The following BMP10 variants were observed in gnomAD, a reference collection of about 807,000 sequenced individuals.
BMP10 encodes the protein bone morphogenetic protein 10.
BMP10 carries 9 observed loss-of-function variants against 29.9 expected under a neutral mutation model. The observed-to-expected ratio is 0.30, with a 90% confidence interval of 0.18 to 0.53. BMP10 has a LOEUF of 0.53. Ranked by LOEUF, BMP10 falls within the 20% of genes least tolerant of loss-of-function variation. The pLI, the probability that BMP10 is intolerant of heterozygous loss-of-function variation, is 0.96. For missense variants in BMP10, 474 were observed against 524.3 expected, an observed-to-expected ratio of 0.90 and a Z score of 0.94; for synonymous variants, 202 against 200.2, an observed-to-expected ratio of 1.01 and a Z score of -0.07.
At position 68,871,129 on chromosome 2, in the gene BMP10, G is replaced by T; in HGVS notation, c.230C>A (p.Ala77Asp). Residue 77 changes from alanine to aspartate, a missense_variant, in exon 1 of 2, where the codon GCC becomes GAC. By Grantham distance (126) the Ala-to-Asp change is moderately radical. Around this residue, in one of 2 missense-constraint regions of BMP10, gnomAD observed 408 missense variants for 415.3 expected, o/e 0.98. Coordinates refer to ENST00000295379, the MANE Select transcript of BMP10 (RefSeq NM_014482.3). ...NLSDIPTQDSAKVDPPEYMLE... is the reference protein window; with the variant it reads ...NLSDIPTQDSDKVDPPEYMLE... ...CATGTACTCTGGTGGGTCCACCTTGGCTGAATCCTGCGTGGGGATGTCAGA... is the reference window on the plus strand; with the variant it reads ...CATGTACTCTGGTGGGTCCACCTTGTCTGAATCCTGCGTGGGGATGTCAGA... 1.2e-6 allele frequency: 2 copies of T among 1,614,140 alleles called. No homozygotes were observed. Among genetic ancestry groups the T allele is most frequent in the Non-Finnish European group, 1.7e-6 (2 of 1,180,014 alleles).
chr2:68,865,166 C>A lies in BMP10; in HGVS notation c.*465G>T, dbSNP rs993872985. 6.6e-6 allele frequency among the ~76,000 whole-genome samples: 1 copy of A among 152,142 alleles called. No individual in the cohort carries two copies. Among genetic ancestry groups the A allele is most frequent in the Admixed American group, 6.6e-5 (1 of 15,260 alleles). ...AGAGTATTTAGGAAGGGTAATACTT[C>A]CTAGGATGATTAAAACCCTGATGTC... On this transcript the variant is annotated 3_prime_UTR_variant, in exon 2 of 2. Transcript: ENST00000295379. The surrounding 1 kb of genome is among the most constrained non-coding windows in gnomAD (Gnocchi z 4.7).
rs769922720 is a variant in BMP10, at chr2:68,861,211, C to T, written c.*4420G>A. The stretch of plus-strand genomic sequence containing the variant: ...AACAGGTTTTACCCCAGAACATGAC[C>T]GTGCATCAGCTGATTCGGTGTGTCT... On this transcript the variant is annotated 3_prime_UTR_variant, in exon 2 of 2. Coordinates refer to ENST00000295379, the MANE Select transcript of BMP10 (RefSeq NM_014482.3). Among the ~76,000 whole-genome samples the T allele has an allele frequency of 2.0e-5, 3 of 152,084 alleles. No homozygotes were observed. Among genetic ancestry groups the T allele is most frequent in the Non-Finnish European group, 4.4e-5 (3 of 68,010 alleles).
chr2:68,864,903 A>G lies in BMP10; in HGVS notation c.*728T>C, dbSNP rs1160465887. Among the ~76,000 whole-genome samples the G allele has an allele frequency of 1.3e-5, 2 of 151,546 alleles. No individual in the cohort carries two copies. The highest frequency in any genetic ancestry group is 1.9e-4 in the East Asian group (1 of 5,158). ...CCAGTACTCATGGCCTTGCTTTCCTATTGTCTCAGGAACAGATTTCATGCT... is the reference window on the plus strand; with the variant it reads ...CCAGTACTCATGGCCTTGCTTTCCTGTTGTCTCAGGAACAGATTTCATGCT... On this transcript the variant is annotated 3_prime_UTR_variant, in exon 2 of 2. Transcript: ENST00000295379.
In BMP10 at chr2:68,871,183, T is replaced by A; in HGVS notation, c.176A>T (p.Lys59Met). The A allele has an allele frequency of 6.2e-7, 1 of 1,614,194 alleles. No homozygotes were observed. Among genetic ancestry groups the A allele is most frequent in the Non-Finnish European group, 8.5e-7 (1 of 1,180,028 alleles). Residue 59 changes from lysine to methionine, a missense_variant, in exon 1 of 2, where the codon AAG becomes ATG. Physicochemically the swap from Lys to Met is moderately conservative, Grantham distance 95 (BLOSUM62 -1). Transcript: ENST00000295379. The stretch of plus-strand genomic sequence containing the variant: ...GTTTAGTGTCTTAAGAAACTCATCC[T>A]TCATGCTCTGGAGCAGTGTGTTAAA... ...VDFNTLLQSM[K>M]DEFLKTLNLS...
At chr2:68,868,326 A>G (rs140602554) in intron 1 of BMP10, among the ~76,000 whole-genome samples, 3 of 152,256 alleles carry the variant, frequency 2.0e-5, no homozygotes, top group African/African-American at 7.2e-5. Flanking sequence ...CATCTCCTAT[A>G]AAAGCCTCCC....
At position 68,866,991 on chromosome 2, in the gene BMP10, T is replaced by C. The variant is rs184298642; in HGVS notation, c.335-420A>G. 4.1e-3 allele frequency among the ~76,000 whole-genome samples: 625 copies of C among 151,586 alleles called. 11 individuals are homozygous for C. Among genetic ancestry groups the C allele is most frequent in the Non-Finnish European group, 1.1e-3 (78 of 68,016 alleles). On this transcript the variant is annotated intron_variant, in intron 1 of 1. Coordinates refer to ENST00000295379, the MANE Select transcript of BMP10 (RefSeq NM_014482.3). ...CTTGAAGCTTTTCGGGGATGAGGAC[T>C]TCATGGTTTTTTAATATTTGTGTTT...
intron 1 of BMP10, among the ~76,000 whole-genome samples, chr2:68,869,462 T>C (rs1481439900): frequency 1.3e-5 from 2 of 152,208 alleles, no homozygotes; most frequent in African/African-American, 2.4e-5. Flanking sequence ...CTAAGAGATG[T>C]GTTCCTGCCC....
At position 68,871,231 on chromosome 2, in the gene BMP10, A is replaced by T; in HGVS notation, c.128T>A (p.Phe43Tyr). The change falls in exon 1 of 2, where the codon TTC becomes TAC. Residue 43 changes from phenylalanine (F) to tyrosine (Y), a missense_variant. Around this residue, in one of 2 missense-constraint regions of BMP10, gnomAD observed 408 missense variants for 415.3 expected, o/e 0.98. Transcript: ENST00000295379. The part of the protein sequence containing the change: ...EEDMSLFGDV[F>Y]SEQDGVDFNT... ...AAAGTCGACACCGTCTTGCTCTGAG[A>T]AAACATCACCAAAGAGGGACATATC... 1 of 1,614,154 alleles carries T rather than the reference A, an allele frequency of 6.2e-7. No homozygotes were observed.
At chr2:68,869,023 A>G (rs1017915473) in intron 1 of BMP10, among the ~76,000 whole-genome samples, 1 of 152,252 alleles carries the variant, frequency 6.6e-6, no homozygotes, top group Non-Finnish European at 1.5e-5. Context: ...GTGCAAATGC[A>G]GTAAGCAATA....
intron 1 of BMP10, among the ~76,000 whole-genome samples, chr2:68,870,356 A>G (rs901520063): frequency 6.6e-6 from 1 of 152,256 alleles, no homozygotes; most frequent in African/African-American, 2.4e-5. Flanking sequence ...TTTCCCACCA[A>G]TAATTCAAAG....
rs577320905 is a variant in BMP10 at position 68,863,711 on chromosome 2, C to T, written c.*1920G>A. On this transcript the variant is annotated 3_prime_UTR_variant, in exon 2 of 2. Transcript: ENST00000295379. ...TTCACCCAGCAGACAACAGATCTAG[C>T]GAGCTGAGGTTCAAATTGGGCCTTC... Among the ~76,000 whole-genome samples the T allele has an allele frequency of 5.5e-4, 84 of 152,250 alleles. 1 individual carries two copies. The highest frequency in any genetic ancestry group is 1.8e-3 in the African/African-American group (76 of 41,548).
intron 1 of BMP10, among the ~76,000 whole-genome samples, chr2:68,869,548 AG>A (rs1403680624): frequency 2.6e-5 from 4 of 152,216 alleles, no homozygotes; most frequent in Non-Finnish European, 5.9e-5. Flanking sequence ...CTATGAGAGA[AG>A]TGAGAACGGA....
In BMP10 at chr2:68,865,912, A is replaced by G. The variant is rs1682941504; in HGVS notation, c.994T>C (p.Phe332Leu). The part of the protein sequence containing the change: ...YCKRTPLYID[F>L]KEIGWDSWII... ...CAGGAGTCCCACCCAATCTCCTTGA[A>G]GTCGATGTAGAGCGGGGTCCTCTTA... is the stretch of plus-strand genomic sequence containing the variant. The change falls in exon 2 of 2, where the codon TTC becomes CTC. Residue 332 changes from phenylalanine (F) to leucine (L), a missense_variant. Coordinates refer to ENST00000295379, the MANE Select transcript of BMP10 (RefSeq NM_014482.3). The surrounding 1 kb of genome is among the most constrained non-coding windows in gnomAD (Gnocchi z 4.7). The G allele has an allele frequency of 6.2e-7, 1 of 1,613,960 alleles. No individual in the cohort carries two copies. The highest frequency in any genetic ancestry group is 8.5e-7 in the Non-Finnish European group (1 of 1,179,992).
chr2:68,866,427 C>T lies in BMP10; in HGVS notation c.479G>A (p.Gly160Glu), dbSNP rs1240302617. The T allele has an allele frequency of 6.2e-7, 1 of 1,613,988 alleles. No homozygotes were observed. The highest frequency in any genetic ancestry group is 1.7e-5 in the Admixed American group (1 of 60,004). ...LVQRDRMIYD[G>E]VDRKITIFEV... ...AAAAATGGTAATTTTCCGGTCTACT[C>T]CATCGTATATCATACGATCCCTTTG... Residue 160 changes from glycine to glutamate, a missense_variant, in exon 2 of 2, where the codon GGA becomes GAA. Gly to Glu is a moderately conservative substitution (Grantham distance 98). Around this residue, in one of 2 missense-constraint regions of BMP10, gnomAD observed 408 missense variants for 415.3 expected, o/e 0.98. Coordinates refer to ENST00000295379, the MANE Select transcript of BMP10 (RefSeq NM_014482.3).
Position 68,864,121 on chromosome 2 carries a change from A to G in BMP10, c.*1510T>C, listed in dbSNP as rs918083965. 6.6e-6 allele frequency among the ~76,000 whole-genome samples: 1 copy of G among 152,130 alleles called. No homozygotes were observed. The highest frequency in any genetic ancestry group is 1.5e-5 in the Non-Finnish European group (1 of 68,016). The stretch of plus-strand genomic sequence containing the variant: ...CCCTTCCTGTGCAGAACACTTCCTC[A>G]CCACTTTCAGTCCTGGCCAGTTGCA... On this transcript the variant is annotated 3_prime_UTR_variant, in exon 2 of 2. Transcript: ENST00000295379.
In BMP10 at chr2:68,865,843, C is replaced by T; in HGVS notation, c.1063G>A (p.Val355Ile). The T allele has an allele frequency of 6.2e-7, 1 of 1,614,108 alleles. No homozygotes were observed. Among genetic ancestry groups the T allele is most frequent in the Non-Finnish European group, 8.5e-7 (1 of 1,179,996 alleles). ...TGCTCTGCCAGGGGGTAGTTACAAA[C>T]ACCACGGCATTCATAGGCTTCGTAT... ...PGYEAYECRG[V>I]CNYPLAEHLT... is the part of the protein sequence containing the mutation. Residue 355 changes from valine (V) to isoleucine (I), a missense_variant, in exon 2 of 2, where the codon GTT (valine) becomes ATT (isoleucine). This residue lies in a region of BMP10 where 66 missense variants were observed against 109.0 expected (regional missense o/e 0.61). Transcript: ENST00000295379. This position sits in a 1 kb window ranked among gnomAD's most constrained non-coding sequence, Gnocchi z 4.7.
rs1682902863 is a variant in BMP10 at position 68,863,748 on chromosome 2, T to A, written c.*1883A>T. 1.3e-5 allele frequency among the ~76,000 whole-genome samples: 2 copies of A among 152,182 alleles called. No individual in the cohort carries two copies. Among genetic ancestry groups the A allele is most frequent in the South Asian group, 4.1e-4 (2 of 4,834 alleles). On this transcript the variant is annotated 3_prime_UTR_variant, in exon 2 of 2. Transcript: ENST00000295379. ...CAAATTGGGCCTTCTTCAAAATAGT[T>A]TTCCTTGCCTCTATTGTCTAGTGCA... is the stretch of plus-strand genomic sequence containing the variant.
Position 68,866,485 on chromosome 2 carries a change from T to G in BMP10, c.421A>C (p.Ile141Leu). The change falls in exon 2 of 2, where the codon ATC (isoleucine) becomes CTC (leucine). Residue 141 changes from isoleucine to leucine, a missense_variant. Transcript: ENST00000295379. ...NVSIPHHEEV[I>L]MAELRLYTLV... ...GTGTATAGCCTAAGTTCAGCCATGA[T>G]GACCTCTTCATGGTGAGGAATGGAC... The G allele has an allele frequency of 6.2e-7, 1 of 1,613,958 alleles. No homozygotes were observed. The highest frequency in any genetic ancestry group is 8.5e-7 in the Non-Finnish European group (1 of 1,179,896).
At position 68,866,177 on chromosome 2, in the gene BMP10, G is replaced by C; in HGVS notation, c.729C>G (p.Thr243=). 6.2e-7 allele frequency: 1 copy of C among 1,614,020 alleles called. No homozygotes were observed. The highest frequency in any genetic ancestry group is 8.5e-7 in the Non-Finnish European group (1 of 1,179,962). The change falls in exon 2 of 2, where the codon ACC becomes ACG. Residue 243 remains threonine (T), a synonymous_variant. Transcript: ENST00000295379. ...DASSGRLEID[T]SAQNKHNPLL... is the part of the protein sequence containing the mutation. ...AAGGGTTATGCTTATTCTGGGCACT[G>C]GTATCTATTTCTAGCCGTCCACTGC...
Sources: allele counts gnomAD v4.1 joint callset (sites outside exome capture counted in the v4.1 genomes callset), GRCh38; gene constraint gnomAD v4.1.1; regional missense constraint gnomAD v4.1.1; non-coding constraint Gnocchi (gnomAD v3.1); transcripts MANE v1.5; gene names NCBI Gene and HGNC (gene_info 2026-07-23, HGNC 2026-07-21).